The following PHACTR4 variants were observed in gnomAD, a reference collection of about 807,000 sequenced individuals.
The protein encoded by PHACTR4 is phosphatase and actin regulator 4, also known as protein phosphatase 1, regulatory subunit 124.
A neutral mutation model predicts 72.7 loss-of-function variants in PHACTR4; 51 were observed. The observed-to-expected ratio is 0.70, with a 90% CI of 0.56 to 0.89. The LOEUF (loss-of-function observed/expected upper bound fraction) is 0.89, where lower values mean the gene tolerates loss of function less well. Ranked by LOEUF, PHACTR4 falls within the 40% of genes least tolerant of loss-of-function variation. The pLI is 0.00. For missense variants in PHACTR4, 731 were observed against 861.8 expected, an observed-to-expected ratio of 0.85 and a Z score of 1.90; for synonymous variants, 255 against 302.5, an observed-to-expected ratio of 0.84 and a Z score of 1.63.
At chr1:28,489,690 A>G (rs1660914692) in intron 10 of PHACTR4, 1 of 487,526 alleles carries the variant, frequency 2.1e-6, no homozygotes, top group South Asian at 1.5e-5. Flanking sequence ...AAATGGGACC[A>G]TATATTTAAT....
chr1:28,453,757 T>TA, intron 2 of PHACTR4: 1 of 1,064,522 alleles, frequency 9.4e-7, no homozygotes, highest in South Asian at 1.3e-5. Flanking sequence ...ATGAAGAAAT[T>TA]AAAAAAAGAG....
intron 9 of PHACTR4, among the ~76,000 whole-genome samples, chr1:28,488,184 T>TAA (rs1212711064): frequency 9.9e-5 from 15 of 151,832 alleles, no homozygotes; most frequent in Non-Finnish European, 2.2e-4. Flanking sequence ...CAGTGGTTCC[T>TAA]AAACCACTGA....
chr1:28,380,126 G>T (rs573817538), intron 1 of PHACTR4, among the ~76,000 whole-genome samples: 1 of 134,192 alleles, frequency 7.5e-6, no homozygotes, highest in South Asian at 2.3e-4. Context: ...GCGCGATCTC[G>T]GCTCACTGCA....
Position 28,473,979 on chromosome 1 carries a change from C to A in PHACTR4, c.1249C>A (p.Leu417Met), listed in dbSNP as rs186393583. The A allele has an allele frequency of 1.9e-5, 31 of 1,614,202 alleles. No homozygotes were observed. The part of the protein sequence containing the change: ...HIPSRLPPLP[L>M]HIRIQQALTS... ...ACCCTCTAGGCTGCCTCCACTCCCA[C>A]TGCATATTCGAATCCAGCAGGCCCT... The change falls in exon 7 of 14, where the codon CTG becomes ATG. Residue 417 changes from leucine (L) to methionine (M), a missense_variant. By Grantham distance (15) the Leu-to-Met change is conservative (BLOSUM62 2). Transcript: ENST00000373839.
chr1:28,490,549 A>G (rs920105064), intron 10 of PHACTR4, among the ~76,000 whole-genome samples: 13 of 151,534 alleles, frequency 8.6e-5, no homozygotes, highest in Admixed American at 5.9e-4. Context: ...AAAAAGAAAA[A>G]AAAAGAAATA....
At chr1:28,478,128 C>T (rs543844585) in intron 8 of PHACTR4, among the ~76,000 whole-genome samples, 1 of 152,284 alleles carries the variant, frequency 6.6e-6, no homozygotes, top group Admixed American at 6.5e-5. Flanking sequence ...TTAGCTCCCA[C>T]GTAAGAGTGA....
chr1:28,428,705 C>T (rs1304590898), intron 2 of PHACTR4, among the ~76,000 whole-genome samples: 1 of 152,154 alleles, frequency 6.6e-6, no homozygotes, highest in Non-Finnish European at 1.5e-5. Context: ...TCCTAAAGAA[C>T]TGTGGTGGTT....
intron 1 of PHACTR4, among the ~76,000 whole-genome samples, chr1:28,391,415 AAAT>A (rs901748358): frequency 9.3e-5 from 14 of 150,636 alleles, no homozygotes; most frequent in Admixed American, 8.0e-4. Flanking sequence ...TAAATAAATA[AAAT>A]AATAATAATA....
intron 2 of PHACTR4, among the ~76,000 whole-genome samples, chr1:28,452,410 G>T (rs1003145035): frequency 6.6e-6 from 1 of 152,236 alleles, no homozygotes; most frequent in Non-Finnish European, 1.5e-5. Context: ...GACAGCTGAG[G>T]TGGGAGGATC....
intron 1 of PHACTR4, among the ~76,000 whole-genome samples, chr1:28,372,291 G>C (rs574156445): frequency 2.6e-5 from 4 of 152,120 alleles, no homozygotes; most frequent in Non-Finnish European, 4.4e-5. Flanking sequence ...CCCTTTACAT[G>C]AATCAGGGAA....
chr1:28,476,769 G>GTTTTTTTTTTTTTTTT (rs1557841813), intron 8 of PHACTR4, among the ~76,000 whole-genome samples: 4 of 80,220 alleles, frequency 5.0e-5, no homozygotes, highest in Admixed American at 1.1e-4. Context: ...TGCCTAGCCT[G>GTTTTTTTTTTTTTTTT]TTCTTTTTTT....
At chr1:28,471,304 G>A (rs1659546214) in intron 6 of PHACTR4, among the ~76,000 whole-genome samples, 1 of 151,288 alleles carries the variant, frequency 6.6e-6, no homozygotes, top group Non-Finnish European at 1.5e-5. Context: ...AGCCGAGATG[G>A]CGCCATTGCA....
chr1:28,381,924 C>CG (rs1652202907), intron 1 of PHACTR4, among the ~76,000 whole-genome samples: 2 of 152,108 alleles, frequency 1.3e-5, no homozygotes. Flanking sequence ...TACACCACCA[C>CG]GCCAGGCTAA....
At position 28,387,645 on chromosome 1, in the gene PHACTR4, C is replaced by T. The variant is rs557623798; in HGVS notation, c.-39+17820C>T. ...TCATACCTGTAATCCCAGCACTTTG[C>T]GGGGGCTGAGGCTGGAGGATTGCCT... On this transcript the variant is annotated intron_variant, in intron 1 of 13. Coordinates refer to ENST00000373839, the MANE Select transcript of PHACTR4 (RefSeq NM_001048183.3). 1.7e-4 allele frequency among the ~76,000 whole-genome samples: 26 copies of T among 151,984 alleles called. No individual in the cohort carries two copies. In the South Asian group the frequency reaches 2.7e-3, roughly 16 times the overall value.
intron 9 of PHACTR4, among the ~76,000 whole-genome samples, chr1:28,484,829 G>A (rs1022583338): frequency 9.9e-5 from 15 of 151,948 alleles, no homozygotes; most frequent in Admixed American, 2.6e-4. Flanking sequence ...TTAGCCGGGT[G>A]GTGGCAGGCA....
chr1:28,430,957 C>A (rs1406946591), intron 2 of PHACTR4, among the ~76,000 whole-genome samples: 1 of 151,916 alleles, frequency 6.6e-6, no homozygotes, highest in East Asian at 1.9e-4. Flanking sequence ...GCAGGCGGAT[C>A]ACGAGGTCGG....
intron 1 of PHACTR4, among the ~76,000 whole-genome samples, chr1:28,375,784 A>G (rs1651608221): frequency 6.6e-6 from 1 of 152,004 alleles, no homozygotes; most frequent in South Asian, 2.1e-4. Context: ...AAACTTTCAC[A>G]ATCGGCCAGG....
intron 2 of PHACTR4, among the ~76,000 whole-genome samples, chr1:28,458,438 G>A (rs1229332071): frequency 6.6e-6 from 1 of 152,050 alleles, no homozygotes; most frequent in African/African-American, 2.4e-5. Flanking sequence ...ATGAGCCACT[G>A]TGCTCAGCCT....
chr1:28,465,871 A>G, intron 5 of PHACTR4, 22 bp downstream of exon 5: 2 of 1,594,136 alleles, frequency 1.3e-6, no homozygotes, highest in Non-Finnish European at 1.7e-6. Context: ...TGGATTTTTG[A>G]GTTTAAGAGC....
Sources: allele counts gnomAD v4.1 joint callset (sites outside exome capture counted in the v4.1 genomes callset), GRCh38; gene constraint gnomAD v4.1.1; transcripts MANE v1.5; gene names NCBI Gene and HGNC (gene_info 2026-07-23, HGNC 2026-07-21).